MBOAT1: variants seen among roughly 807,000 people sequenced by gnomAD.
MBOAT1 encodes membrane bound glycerophospholipid O-acyltransferase 1.
Under a neutral mutation model 64.4 loss-of-function variants are expected in MBOAT1, and 67 were observed. That is an observed-to-expected ratio of 1.04 (90% CI 0.85 to 1.27). The LOEUF is 1.27. Ranked by LOEUF, MBOAT1 falls within the 50% of genes most tolerant of loss-of-function variation. The probability of loss-of-function intolerance (pLI) is 0.00; values close to 1 mark genes in which losing one functional copy is unlikely to be tolerated. For synonymous variants in MBOAT1, 229 were observed against 218.9 expected (o/e 1.05, Z -0.41); for missense variants, 563 against 604.6 (o/e 0.93, Z 0.72).
chr6:20,130,808 C>T (rs1386486405), intron 5 of MBOAT1, among the ~76,000 whole-genome samples: 2 of 151,948 alleles, frequency 1.3e-5, no homozygotes, highest in Non-Finnish European at 2.9e-5. Flanking sequence ...TAAACCAAAG[C>T]TAAAAGGATG....
intron 5 of MBOAT1, among the ~76,000 whole-genome samples, chr6:20,129,685 C>G (rs1760760741): frequency 6.6e-6 from 1 of 152,152 alleles, no homozygotes; most frequent in Non-Finnish European, 1.5e-5. Context: ...AAAAAAGAAG[C>G]AGTGTTTTTA....
intron 1 of MBOAT1, among the ~76,000 whole-genome samples, chr6:20,183,587 G>GCA (rs1160148916): frequency 4.7e-4 from 51 of 107,884 alleles, no homozygotes; most frequent in African/African-American, 1.4e-3. Context: ...ATTCCGTCTG[G>GCA]TTGGTATCCA....
At chr6:20,156,428 A>G (rs1761687726) in intron 1 of MBOAT1, among the ~76,000 whole-genome samples, 1 of 152,178 alleles carries the variant, frequency 6.6e-6, no homozygotes, top group African/African-American at 2.4e-5. Context: ...CCCTCTCCCC[A>G]GGAGGGAATC....
intron 1 of MBOAT1, among the ~76,000 whole-genome samples, chr6:20,162,480 T>C (rs1480522755): frequency 6.6e-6 from 1 of 152,200 alleles, no homozygotes; most frequent in African/African-American, 2.4e-5. Flanking sequence ...TTACACATGT[T>C]GAGAAAGTTC....
rs146950340 is a variant in MBOAT1, at chr6:20,110,116, G to C, written c.1210-367C>G. Among the ~76,000 whole-genome samples, 4 of 151,372 alleles carry C rather than the reference G, an allele frequency of 2.6e-5. 1 individual carries two copies. Among genetic ancestry groups the C allele is most frequent in the South Asian group, 4.2e-4 (2 of 4,790 alleles). ...AGTAGAGCTGGGGTTTCGCCATGTT[G>C]GCCAGGCTGGTCTCGAATTCCTGAC... On this transcript the variant is annotated intron_variant, in intron 11 of 12. Coordinates refer to ENST00000324607, the MANE Select transcript of MBOAT1 (RefSeq NM_001080480.3).
intron 1 of MBOAT1, among the ~76,000 whole-genome samples, chr6:20,153,656 G>A (rs913937881): frequency 2.0e-5 from 3 of 152,030 alleles, no homozygotes; most frequent in Non-Finnish European, 2.9e-5. Flanking sequence ...CAAATTCAAG[G>A]TGTGACACTG....
At chr6:20,177,225 C>T (rs905552525) in intron 1 of MBOAT1, among the ~76,000 whole-genome samples, 1 of 152,128 alleles carries the variant, frequency 6.6e-6, no homozygotes, top group African/African-American at 2.4e-5. Context: ...TCTCCTGGTT[C>T]ATTTTCTTAA....
intron 1 of MBOAT1, among the ~76,000 whole-genome samples, chr6:20,164,036 T>C (rs982483765): frequency 6.6e-6 from 1 of 152,118 alleles, no homozygotes; most frequent in Non-Finnish European, 1.5e-5. Context: ...GTCTGAATAA[T>C]GTGTGTGCAT....
intron 1 of MBOAT1, among the ~76,000 whole-genome samples, chr6:20,181,126 T>C (rs1561778816): frequency 6.6e-6 from 1 of 152,212 alleles, no homozygotes; most frequent in East Asian, 1.9e-4. Flanking sequence ...GTTGAGGGCA[T>C]TTCCCATCTT....
chr6:20,102,209 G>A lies in MBOAT1; in HGVS notation c.*77C>T, dbSNP rs1453680078. ...ATGTAAACATCGCCTCTAAGCCACC[G>A]GAGGAGCCCTTGAAGCCTTGTCATC... On this transcript the variant is annotated 3_prime_UTR_variant, in exon 13 of 13. Transcript: ENST00000324607. 28 of 1,492,432 alleles carry A rather than the reference G, an allele frequency of 1.9e-5. No homozygotes were observed. Among genetic ancestry groups the A allele is most frequent in the Non-Finnish European group, 2.4e-5 (26 of 1,103,154 alleles). The allele number at this position is 1,492,432 out of a possible 1,614,324, so 92.4% of individuals were successfully genotyped here.
intron 1 of MBOAT1, among the ~76,000 whole-genome samples, chr6:20,158,155 CAAAAAAAAAAA>C (rs1761749694): frequency 4.3e-5 from 2 of 46,270 alleles, no homozygotes; most frequent in Non-Finnish European, 8.0e-5. Context: ...GACTCTGACT[CAAAAAAAAAAA>C]GAAAAAAAAA....
intron 1 of MBOAT1, among the ~76,000 whole-genome samples, chr6:20,197,547 T>G (rs1270063641): frequency 6.6e-6 from 1 of 152,132 alleles, no homozygotes; most frequent in Non-Finnish European, 1.5e-5. Flanking sequence ...TCCCCTCACA[T>G]GTAAATTGTG....
rs1759825131 is a variant in MBOAT1 at position 20,102,312 on chromosome 6, AG to A, written c.1461del (p.Ser488LeufsTer51). The A allele has an allele frequency of 6.2e-7, 1 of 1,613,804 alleles. No individual in the cohort carries two copies. Among genetic ancestry groups the A allele is most frequent in the Admixed American group, 1.7e-5 (1 of 59,960 alleles). On this transcript the variant is annotated frameshift_variant, in exon 13 of 13. Transcript: ENST00000324607. LOFTEE classifies it high-confidence loss of function. ...CAATCTGTTTTTCTCTTATTAATAGAGTTCAGAGTCTGAGGCCGCCTTTGCG... is the reference window on the plus strand; with the variant it reads ...CAATCTGTTTTTCTCTTATTAATAGATTCAGAGTCTGAGGCCGCCTTTGCG... The part of the protein sequence containing the change: ...AHTQRRPQTL[N>X]SINKRKTD
At chr6:20,210,160 C>T (rs541952832) in intron 1 of MBOAT1, among the ~76,000 whole-genome samples, 24 of 152,308 alleles carry the variant, frequency 1.6e-4, no homozygotes, top group Admixed American at 1.3e-3. Flanking sequence ...AATTTCTCAA[C>T]CTCAAAAGGT....
intron 1 of MBOAT1, among the ~76,000 whole-genome samples, chr6:20,157,363 G>T (rs957397913): frequency 5.9e-5 from 9 of 152,156 alleles, no homozygotes; most frequent in African/African-American, 2.2e-4. Flanking sequence ...ATGAATAAGA[G>T]AATATAAAAG....
chr6:20,204,561 G>A (rs1763207061), intron 1 of MBOAT1, among the ~76,000 whole-genome samples: 1 of 152,124 alleles, frequency 6.6e-6, no homozygotes, highest in Non-Finnish European at 1.5e-5. Flanking sequence ...TTTGGCCCTG[G>A]TGGGGAGGGA....
At chr6:20,128,926 A>T (rs1359419456) in intron 5 of MBOAT1, among the ~76,000 whole-genome samples, 173 bp from the exon 6 acceptor site, 1 of 152,126 alleles carries the variant, frequency 6.6e-6, no homozygotes, top group Non-Finnish European at 1.5e-5. Context: ...AGAGCTACCC[A>T]TAAGTACACG....
intron 1 of MBOAT1, among the ~76,000 whole-genome samples, chr6:20,169,772 A>G (rs1223126378): frequency 6.6e-6 from 1 of 152,152 alleles, no homozygotes; most frequent in East Asian, 1.9e-4. Flanking sequence ...CTATCCTCCC[A>G]TCTCTTGATA....
chr6:20,109,476 C>T, intron 12 of MBOAT1, 122 bp downstream of exon 12: 1 of 1,235,678 alleles, frequency 8.1e-7, no homozygotes. Flanking sequence ...TGGACACTTC[C>T]CACACTGAAG....
Sources: allele counts gnomAD v4.1 joint callset (sites outside exome capture counted in the v4.1 genomes callset), GRCh38; gene constraint gnomAD v4.1.1; transcripts MANE v1.5; gene names NCBI Gene and HGNC (gene_info 2026-07-23, HGNC 2026-07-21).